Variants in USP34 observed in about 807,000 individuals in gnomAD.
USP34 encodes ubiquitin carboxyl-terminal hydrolase 34.
USP34 carries 70 observed loss-of-function variants against 460.3 expected under a neutral mutation model. The observed-to-expected ratio is 0.15, with a 90% CI of 0.13 to 0.19. The LOEUF (loss-of-function observed/expected upper bound fraction) is 0.19, where lower values mean the gene tolerates loss of function less well. Ranked by LOEUF, USP34 falls within the 10% of genes least tolerant of loss-of-function variation. USP34 has a pLI of 1.00. For synonymous variants in USP34, 1,647 were observed against 1,405.3 expected (o/e 1.17, Z -3.85); for missense variants, 3,985 against 4,236.2 (o/e 0.94, Z 1.65).
intron 2 of USP34, among the ~76,000 whole-genome samples, chr2:61,409,401 C>T (rs1693975064): frequency 6.6e-6 from 1 of 152,022 alleles, no homozygotes; most frequent in African/African-American, 2.4e-5. Context: ...GCCAAAGATT[C>T]AGCCAAACTT....
chr2:61,191,074 CAA>C (rs1686627168), intron 76 of USP34: 1 of 156,368 alleles, frequency 6.4e-6, no homozygotes, highest in Non-Finnish European at 1.4e-5. Context: ...TTTTAAGAAT[CAA>C]AATCAATTCT....
intron 3 of USP34, 91 bp downstream of exon 3, chr2:61,405,617 C>T (rs930208881): frequency 3.4e-6 from 4 of 1,169,382 alleles, no homozygotes; most frequent in Non-Finnish European, 4.7e-6. Context: ...TTTCCGCCAG[C>T]AGAAAACTGT....
chr2:61,423,969 A>T (rs1694437256), intron 1 of USP34, among the ~76,000 whole-genome samples: 1 of 152,142 alleles, frequency 6.6e-6, no homozygotes, highest in South Asian at 2.1e-4. Context: ...AAAAACAAAC[A>T]ACAAAATAAA....
intron 29 of USP34, among the ~76,000 whole-genome samples, chr2:61,299,573 A>G (rs1312860598): frequency 3.3e-5 from 5 of 152,036 alleles, no homozygotes; most frequent in African/African-American, 1.2e-4. Flanking sequence ...GGCAACATAG[A>G]GAGACCATGT....
intron 20 of USP34, among the ~76,000 whole-genome samples, chr2:61,329,766 A>T (rs894625152): frequency 2.6e-5 from 4 of 152,250 alleles, no homozygotes; most frequent in African/African-American, 4.8e-5. Context: ...TGCCAGGTAC[A>T]ATTCATTGTA....
intron 5 of USP34, among the ~76,000 whole-genome samples, chr2:61,390,596 G>C (rs1693313768): frequency 6.6e-6 from 1 of 152,224 alleles, no homozygotes; most frequent in Admixed American, 6.5e-5. Context: ...CTAAAACTCA[G>C]AGCTAGTTAA....
chr2:61,328,036 C>T (rs1234903581), intron 20 of USP34, among the ~76,000 whole-genome samples: 2 of 152,072 alleles, frequency 1.3e-5, no homozygotes, highest in Non-Finnish European at 2.9e-5. Context: ...GTGGCTCATG[C>T]CTGTAATCCT....
intron 5 of USP34, among the ~76,000 whole-genome samples, chr2:61,392,483 G>A (rs980885380): frequency 6.6e-6 from 1 of 152,034 alleles, no homozygotes; most frequent in African/African-American, 2.4e-5. Context: ...AATTAGCTGG[G>A]TGTGGTAGCG....
intron 1 of USP34, among the ~76,000 whole-genome samples, chr2:61,438,644 A>G (rs1051151209): frequency 2.0e-5 from 3 of 152,106 alleles, no homozygotes; most frequent in Admixed American, 2.0e-4. Context: ...CACTCTCAAT[A>G]AATTAGGTAT....
At chr2:61,274,389 C>CAAAT (rs1040616745) in intron 41 of USP34, among the ~76,000 whole-genome samples, 20 of 143,530 alleles carry the variant, frequency 1.4e-4, no homozygotes, top group Non-Finnish European at 2.6e-4. Context: ...GACTCTGTCT[C>CAAAT]AAATAAATAA....
chr2:61,194,944 ACT>A (rs1035616186), intron 75 of USP34, among the ~76,000 whole-genome samples: 8 of 114,976 alleles, frequency 7.0e-5, no homozygotes, highest in Non-Finnish European at 1.1e-4. Flanking sequence ...CAAGAGTGAA[ACT>A]CTGTCAAAAA....
chr2:61,258,506 T>G (rs1688780966), intron 44 of USP34, among the ~76,000 whole-genome samples: 1 of 152,088 alleles, frequency 6.6e-6, no homozygotes, highest in African/African-American at 2.4e-5. Context: ...AAGCTGACTC[T>G]TGAAAAATGA....
chr2:61,414,264 A>G (rs1694131597), intron 2 of USP34, among the ~76,000 whole-genome samples: 1 of 113,256 alleles, frequency 8.8e-6, no homozygotes, highest in South Asian at 4.3e-4. Context: ...ATAAATAAAT[A>G]AATAACTTTA....
At chr2:61,294,302 C>T (rs1025770790) in intron 32 of USP34, among the ~76,000 whole-genome samples, 12 of 148,004 alleles carry the variant, frequency 8.1e-5, no homozygotes, top group Admixed American at 4.0e-4. Context: ...GCAGAGATCG[C>T]GCTGCTGCAA....
chr2:61,229,471 A>AAAAC (rs2103827444), intron 59 of USP34, 77 bp downstream of exon 59: 39 of 693,266 alleles, frequency 5.6e-5, no homozygotes, highest in South Asian at 1.8e-4. Context: ...AAAAAAAAAA[A>AAAAC]AAAACAAAAA....
chr2:61,346,527 TAAAAAAAAAAAAA>T (rs926076478), intron 15 of USP34, among the ~76,000 whole-genome samples: 4 of 44,254 alleles, frequency 9.0e-5, no homozygotes, highest in Non-Finnish European at 1.5e-4. Context: ...CCCTATCTCT[TAAAAAAAAAAAAA>T]AAAAAAAAAA....
chr2:61,256,773 C>T (rs1166433660), intron 47 of USP34, 100 bp downstream of exon 47: 7 of 876,116 alleles, frequency 8.0e-6, no homozygotes, highest in Admixed American at 3.4e-5. Flanking sequence ...TACATAAAAA[C>T]ATGAAAAAAG....
intron 76 of USP34, among the ~76,000 whole-genome samples, chr2:61,191,524 G>A (rs1290980215): frequency 6.6e-6 from 1 of 152,130 alleles, no homozygotes; most frequent in Non-Finnish European, 1.5e-5. Context: ...CTTAACACTA[G>A]GAAAAACCTG....
intron 1 of USP34, among the ~76,000 whole-genome samples, chr2:61,448,716 T>C (rs1695187729): frequency 6.6e-6 from 1 of 152,200 alleles, no homozygotes; most frequent in African/African-American, 2.4e-5. Context: ...GGTTGCAGGA[T>C]ACAAGATCAA....
Sources: allele counts gnomAD v4.1 joint callset (sites outside exome capture counted in the v4.1 genomes callset), GRCh38; gene constraint gnomAD v4.1.1; transcripts MANE v1.5; gene names NCBI Gene and HGNC (gene_info 2026-07-23, HGNC 2026-07-21).